The following PCDHA5 variants were observed in gnomAD, a reference collection of about 807,000 sequenced individuals.
PCDHA5 encodes the protein protocadherin alpha-5.
A neutral mutation model predicts 61.6 loss-of-function variants in PCDHA5; 43 were observed. The observed-to-expected ratio is 0.70, with a 90% confidence interval of 0.55 to 0.90. The LOEUF is 0.90. PCDHA5 is among the 40% of genes least tolerant of loss of function. The pLI is 0.00. For missense variants in PCDHA5, 1,298 were observed against 1,222.7 expected (o/e 1.06, Z -0.92); for synonymous variants, 627 against 543.9 (o/e 1.15, Z -2.13).
At chr5:140,872,638 G>A (rs1429990038) in intron 1 of PCDHA5, among the ~76,000 whole-genome samples, 2 of 152,092 alleles carry the variant, frequency 1.3e-5, no homozygotes, top group Admixed American at 1.3e-4. Flanking sequence ...TTTGTTCCAT[G>A]AAAAGGCAAG....
rs192969362 is a variant in PCDHA5 at position 140,893,205 on chromosome 5, T to C, written c.2352+69078T>C. On this transcript the variant is annotated intron_variant, in intron 1 of 3. Transcript: ENST00000529859. ...CTATTGTGAATAGTGCTGCAGTAAG[T>C]ATGGGAGGTGCAGGTATCACTTTGA... Among the ~76,000 whole-genome samples, 9 of 152,220 alleles carry C rather than the reference T, an allele frequency of 5.9e-5. No homozygotes were observed. The East Asian group carries it at 9.6e-4, about 16-fold the overall frequency.
intron 1 of PCDHA5, chr5:140,841,578 T>C: frequency 1.2e-6 from 2 of 1,614,008 alleles, no homozygotes; most frequent in Non-Finnish European, 1.7e-6. Flanking sequence ...ATTTTGTTTG[T>C]GAATTCTCGG....
At chr5:140,910,924 A>T (rs568597600) in intron 1 of PCDHA5, among the ~76,000 whole-genome samples, 1 of 152,142 alleles carries the variant, frequency 6.6e-6, no homozygotes, top group Admixed American at 6.5e-5. Flanking sequence ...GCTTATATAA[A>T]TAAGAAAGCT....
intron 1 of PCDHA5, chr5:140,834,122 A>T: frequency 2.3e-6 from 1 of 435,094 alleles, no homozygotes. Flanking sequence ...TTGAAATAAA[A>T]CTTTTCATCT....
chr5:140,900,634 A>G (rs918199903), intron 1 of PCDHA5, among the ~76,000 whole-genome samples: 7 of 152,152 alleles, frequency 4.6e-5, no homozygotes, highest in Non-Finnish European at 1.0e-4. Flanking sequence ...AATCTTGGCT[A>G]TTGTGAACAC....
chr5:140,838,904 T>C (rs1357906412), intron 1 of PCDHA5, among the ~76,000 whole-genome samples: 2 of 151,878 alleles, frequency 1.3e-5, no homozygotes, highest in Non-Finnish European at 2.9e-5. Flanking sequence ...GACAGAGCAA[T>C]ACCTTGCCTC....
At chr5:140,927,641 CTG>C (rs782418145) in intron 1 of PCDHA5, 23 of 1,614,074 alleles carry the variant, frequency 1.4e-5, no homozygotes, top group Non-Finnish European at 1.4e-5. Flanking sequence ...CCCAATGGGA[CTG>C]TGTTATTCCG....
rs138359227 is a variant in PCDHA5 at position 140,829,964 on chromosome 5, G to A, written c.2352+5837G>A. On this transcript the variant is annotated intron_variant, in intron 1 of 3. Coordinates refer to ENST00000529859, the MANE Select transcript of PCDHA5 (RefSeq NM_018908.3). ...CAGCGCTCGCTTCCCGTTTCGCGTG[G>A]GGCTGTACACGGGCGAGATCAGCAC... The A allele has an allele frequency of 5.0e-6, 8 of 1,613,888 alleles. No individual in the cohort carries two copies. The African/African-American group carries it at 1.1e-4, about 22-fold the overall frequency.
chr5:140,933,522 T>A (rs1399438253), intron 1 of PCDHA5, among the ~76,000 whole-genome samples: 3 of 152,066 alleles, frequency 2.0e-5, no homozygotes, highest in Non-Finnish European at 4.4e-5. Flanking sequence ...AGCTGTTTTG[T>A]TTAAACTCAA....
At chr5:140,892,011 A>G (rs1001369849) in intron 1 of PCDHA5, among the ~76,000 whole-genome samples, 10 of 152,244 alleles carry the variant, frequency 6.6e-5, no homozygotes, top group African/African-American at 2.4e-4. Flanking sequence ...CTGTTATAGC[A>G]GCACAAATGG....
At chr5:140,831,867 T>C (rs1273262547) in intron 1 of PCDHA5, among the ~76,000 whole-genome samples, 1 of 152,226 alleles carries the variant, frequency 6.6e-6, no homozygotes, top group Non-Finnish European at 1.5e-5. Flanking sequence ...AGTAAGTTGA[T>C]ATTGTAAGGC....
chr5:140,917,585 T>C (rs1204000344), intron 1 of PCDHA5, among the ~76,000 whole-genome samples: 1 of 152,244 alleles, frequency 6.6e-6, no homozygotes, highest in Non-Finnish European at 1.5e-5. Context: ...TTTTTGTTCA[T>C]GCTGAAAGGA....
At chr5:140,876,184 A>T in intron 1 of PCDHA5, 1 of 1,613,968 alleles carries the variant, frequency 6.2e-7, no homozygotes. Flanking sequence ...TGTGAATGAC[A>T]ATGGTCCGGC....
At chr5:140,850,208 G>T (rs2150473240) in intron 1 of PCDHA5, 1 of 1,593,570 alleles carries the variant, frequency 6.3e-7, no homozygotes, top group Non-Finnish European at 8.6e-7. Flanking sequence ...CTCGGATGAG[G>T]GGCACTGACG....
At chr5:140,825,311 T>C (rs1360273212) in intron 1 of PCDHA5, 2 of 149,360 alleles carry the variant, frequency 1.3e-5, no homozygotes, top group African/African-American at 4.9e-5. Flanking sequence ...AACAATGATT[T>C]AATTTTCTGG....
chr5:140,890,190 A>C (rs1213958471), intron 1 of PCDHA5, among the ~76,000 whole-genome samples: 3 of 152,084 alleles, frequency 2.0e-5, no homozygotes, highest in Middle Eastern at 3.2e-3. Flanking sequence ...TACAAAACAG[A>C]GTTTTTTGTT....
In PCDHA5 at chr5:141,010,428, A is replaced by G. The variant is rs2098417264; in HGVS notation, c.*491A>G. The G allele has an allele frequency of 9.2e-7, 1 of 1,087,372 alleles. No individual in the cohort carries two copies. Among genetic ancestry groups the G allele is most frequent in the East Asian group, 2.6e-5 (1 of 38,240 alleles). 67.4% of individuals were successfully genotyped at this position (1,087,372 alleles called of 1,614,324 possible). ...GACTAATTGGTACAAGGAAGGCAAG[A>G]AAACAAAGACAAATAAACAGCGGAA... On this transcript the variant is annotated 3_prime_UTR_variant, in exon 4 of 4. Transcript: ENST00000529859.
At chr5:140,875,577 C>G in intron 1 of PCDHA5, 1 of 1,614,082 alleles carries the variant, frequency 6.2e-7, no homozygotes, top group Non-Finnish European at 8.5e-7. Context: ...ACTACTCCGT[C>G]TACGAGGAGG....
intron 3 of PCDHA5, among the ~76,000 whole-genome samples, chr5:140,987,422 G>A (rs1554249178): frequency 6.6e-6 from 1 of 152,152 alleles, no homozygotes; most frequent in Non-Finnish European, 1.5e-5. Flanking sequence ...CTTGTGAGAA[G>A]CAGGGGGCCT....
Sources: allele counts gnomAD v4.1 joint callset (sites outside exome capture counted in the v4.1 genomes callset), GRCh38; gene constraint gnomAD v4.1.1; transcripts MANE v1.5; gene names NCBI Gene and HGNC (gene_info 2026-07-23, HGNC 2026-07-21).